PROM2: variants seen among roughly 807,000 people sequenced by gnomAD.
PROM2 encodes prominin-2.
In PROM2, 90 loss-of-function variants were observed where a neutral mutation model predicts 110.2. The observed-to-expected ratio is 0.82, with a 90% CI of 0.69 to 0.97. PROM2 has a LOEUF of 0.97. Among genes scored for constraint, PROM2 ranks in the 50% least tolerant of loss-of-function variants. The probability of loss-of-function intolerance (pLI) is 0.00; values close to 1 mark genes in which losing one functional copy is unlikely to be tolerated. For missense variants in PROM2, 1,009 were observed against 1,074.8 expected (o/e 0.94, Z 0.86); for synonymous variants, 470 against 467.8 (o/e 1.00, Z -0.06).
At position 95,275,900 on chromosome 2, in the gene PROM2, G is replaced by T; in HGVS notation, c.295-30G>T. On this transcript the variant is annotated intron_variant, in intron 2 of 23. Coordinates refer to ENST00000317620, the MANE Select transcript of PROM2 (RefSeq NM_001165978.3). This position sits in a 1 kb window ranked among gnomAD's most constrained non-coding sequence, Gnocchi z 4.4. ...GCCAGGGCTGGGCAGTGGGGGTCGGGTCACCCCTCATGCCCTGCTGCCTGC... is the reference window on the plus strand; with the variant it reads ...GCCAGGGCTGGGCAGTGGGGGTCGGTTCACCCCTCATGCCCTGCTGCCTGC... 6.3e-7 allele frequency: 1 copy of T among 1,590,820 alleles called. No homozygotes were observed. Among genetic ancestry groups the T allele is most frequent in the Non-Finnish European group, 8.5e-7 (1 of 1,170,766 alleles).
intron 7 of PROM2, 87 bp downstream of exon 7, chr2:95,277,653 G>A: frequency 7.6e-7 from 1 of 1,309,826 alleles, no homozygotes; most frequent in Non-Finnish European, 1.0e-6. Context: ...CAGTCCCCTT[G>A]CCCCAATGTT....
intron 11 of PROM2, 38 bp downstream of exon 11, chr2:95,280,035 A>G: frequency 7.3e-7 from 1 of 1,370,690 alleles, no homozygotes; most frequent in Non-Finnish European, 9.5e-7. Context: ...GTCCCCTCTT[A>G]TAGGGCTGGC....
At chr2:95,286,669 C>T in intron 17 of PROM2, 98 bp downstream of exon 17, 1 of 566,362 alleles carries the variant, frequency 1.8e-6, no homozygotes, top group South Asian at 2.1e-5. Flanking sequence ...CCCTTCCCTC[C>T]CCTCCTCTCC....
At position 95,276,046 on chromosome 2, in the gene PROM2, G is replaced by A. The variant is rs746905141; in HGVS notation, c.411G>A (p.Gly137=). ...FCCCRCHRRC[G]GRVKTEHKAL... ...GCTGCCGCTGCCACCGGCGCTGCGG[G>A]GGACGAGTGAAGACAGAGCACAAGG... The change falls in exon 3 of 24, where the codon GGG becomes GGA. Residue 137 remains glycine (G), a synonymous_variant. Coordinates refer to ENST00000317620, the MANE Select transcript of PROM2 (RefSeq NM_001165978.3). This position sits in a 1 kb window ranked among gnomAD's most constrained non-coding sequence, Gnocchi z 4.6. 36 of 1,611,296 alleles carry A rather than the reference G, an allele frequency of 2.2e-5. 1 individual carries two copies. In the South Asian group the frequency reaches 4.0e-4, roughly 18 times the overall value.
rs187661008 is a variant in PROM2, at chr2:95,276,974, G to C, written c.685G>C (p.Val229Leu). The C allele has an allele frequency of 3.9e-4, 612 of 1,551,094 alleles. 7 individuals are homozygous for C. In the East Asian group the frequency reaches 0.01, roughly 27 times the overall value. Reference protein sequence around the residue: ...QEQVSEELDGVGVSIGSAIHT... With the variant: ...QEQVSEELDGLGVSIGSAIHT... ...GCAGACTGCCCTGTGCTCTGCAGGT[G>C]TTGGTGTGAGCATTGGGAGCGCGAT... Residue 229 changes from valine to leucine, a missense_variant and splice_region_variant, in exon 6 of 24, where the codon GTT (valine) becomes CTT (leucine). Coordinates refer to ENST00000317620, the MANE Select transcript of PROM2 (RefSeq NM_001165978.3). This position sits in a 1 kb window ranked among gnomAD's most constrained non-coding sequence, Gnocchi z 4.6.
In PROM2 at chr2:95,275,361, C is replaced by T. The variant is rs1326521091; in HGVS notation, c.245-100C>T. The T allele has an allele frequency of 1.8e-5, 21 of 1,158,182 alleles. No individual in the cohort carries two copies. Among genetic ancestry groups the T allele is most frequent in the African/African-American group, 3.1e-5 (2 of 65,220 alleles). 71.7% of individuals were successfully genotyped at this position (1,158,182 alleles called of 1,614,324 possible). On this transcript the variant is annotated intron_variant, in intron 1 of 23. Transcript: ENST00000317620. The surrounding 1 kb of genome is among the most constrained non-coding windows in gnomAD (Gnocchi z 4.4). ...GAGGGTGCCATGGTGGTGGCAGGAG[C>T]CCTGCCTCAGAGCCACTTTGCCCTG...
chr2:95,278,048 G>C, intron 8 of PROM2, 44 bp downstream of exon 8: 2 of 1,525,292 alleles, frequency 1.3e-6, no homozygotes, highest in South Asian at 2.3e-5. Flanking sequence ...CACCTGCCAA[G>C]TGAGGGCCTC....
Position 95,275,057 on chromosome 2 carries a change from A to G in PROM2, c.244+228A>G, listed in dbSNP as rs1321942744. On this transcript the variant is annotated intron_variant, in intron 1 of 23. Coordinates refer to ENST00000317620, the MANE Select transcript of PROM2 (RefSeq NM_001165978.3). This position sits in a 1 kb window ranked among gnomAD's most constrained non-coding sequence, Gnocchi z 4.4. ...GCTCTGTCTGTAAAGTGAGGAGGTT[A>G]CATTGGAAATACATTAGACCTGACT... 1 of 517,452 alleles carries G rather than the reference A, an allele frequency of 1.9e-6. No homozygotes were observed. Among genetic ancestry groups the G allele is most frequent in the African/African-American group, 1.9e-5 (1 of 51,466 alleles). 32.1% of individuals were successfully genotyped at this position (517,452 alleles called of 1,614,324 possible). A position where few individuals can be genotyped will look rare whatever the true frequency, so the allele number is the denominator to read the frequency against.
At chr2:95,286,100 G>A (rs1677341578) in intron 16 of PROM2, among the ~76,000 whole-genome samples, 1 of 152,240 alleles carries the variant, frequency 6.6e-6, no homozygotes, top group Non-Finnish European at 1.5e-5. Context: ...GAGATGTCAT[G>A]GCAGTTGCCC....
Position 95,282,048 on chromosome 2 carries a change from G to A in PROM2, c.1643+32G>A, listed in dbSNP as rs377436938. On this transcript the variant is annotated intron_variant, in intron 13 of 23. Transcript: ENST00000317620. The stretch of plus-strand genomic sequence containing the variant: ...GGACAGCCTGGGCAGAGCTGGGACC[G>A]GGGAAGGAAGGAGGAGGGCCGGTGT... 128 of 1,611,258 alleles carry A rather than the reference G, an allele frequency of 7.9e-5. 1 individual carries two copies. Among genetic ancestry groups the A allele is most frequent in the Admixed American group, 1.5e-4 (9 of 60,008 alleles).
chr2:95,289,245 C>A lies in PROM2; in HGVS notation c.*32C>A. On this transcript the variant is annotated 3_prime_UTR_variant, in exon 24 of 24. Transcript: ENST00000317620. The stretch of plus-strand genomic sequence containing the variant: ...ACAGGGTGAGGTGACCCTGAGGCTG[C>A]CTGTCCTCCCCTTTGATTTAGCCTG... The A allele has an allele frequency of 1.8e-6, 1 of 556,068 alleles. No individual in the cohort carries two copies. The highest frequency in any genetic ancestry group is 3.1e-5 in the East Asian group (1 of 32,782). 34.4% of individuals were successfully genotyped at this position (556,068 alleles called of 1,614,324 possible).
Position 95,274,737 on chromosome 2 carries a change from C to G in PROM2, c.152C>G (p.Ala51Gly). The G allele has an allele frequency of 6.2e-7, 1 of 1,612,032 alleles. No individual in the cohort carries two copies. The highest frequency in any genetic ancestry group is 8.5e-7 in the Non-Finnish European group (1 of 1,179,868). Residue 51 changes from alanine to glycine, a missense_variant, in exon 1 of 24, where the codon GCC becomes GGC. Physicochemically the swap from Ala to Gly is moderately conservative, Grantham distance 60. Transcript: ENST00000317620. ...FTPAARARWLAPRVRAPGLLD... is the reference protein window; with the variant it reads ...FTPAARARWLGPRVRAPGLLD... Reference sequence around the variant, plus strand: ...CCAGCAGCCAGGGCCCGGTGGCTGGCCCCTCGAGTTCGTGCGCCAGGACTC... The same window carrying G: ...CCAGCAGCCAGGGCCCGGTGGCTGGGCCCTCGAGTTCGTGCGCCAGGACTC...
At position 95,288,159 on chromosome 2, in the gene PROM2, C is replaced by T. The variant is rs183173485; in HGVS notation, c.2245-52C>T. 783 of 1,569,058 alleles carry T rather than the reference C, an allele frequency of 5.0e-4. 1 individual carries two copies. The highest frequency in any genetic ancestry group is 5.7e-4 in the Non-Finnish European group (657 of 1,146,208). On this transcript the variant is annotated intron_variant, in intron 20 of 23. Coordinates refer to ENST00000317620, the MANE Select transcript of PROM2 (RefSeq NM_001165978.3). Reference sequence around the variant, plus strand: ...TCTCCCTGAATTGAATATGGGTGTGCGCCTGTGGGTCCAGGTGTCTCTGCA... The same window carrying T: ...TCTCCCTGAATTGAATATGGGTGTGTGCCTGTGGGTCCAGGTGTCTCTGCA...
At chr2:95,280,276 A>G (rs1676973273) in intron 11 of PROM2, among the ~76,000 whole-genome samples, 2 of 152,132 alleles carry the variant, frequency 1.3e-5, no homozygotes, top group African/African-American at 4.8e-5. Flanking sequence ...GCAGCACCAG[A>G]GGTGGAATCT....
Position 95,282,151 on chromosome 2 carries a change from G to A in PROM2, c.1653G>A (p.Lys551=). The change falls in exon 14 of 24, where the codon AAG becomes AAA. Residue 551 remains lysine, a synonymous_variant. Transcript: ENST00000317620. ...CCTCACTCCTCCTCAGGCAGTGCAA[G>A]GAAGGGGCAGCGCTCTGGACAGTCC... ...ISIHQAYQQC[K]EGAALWTVLQ... The A allele has an allele frequency of 6.2e-7, 1 of 1,613,892 alleles. No individual in the cohort carries two copies. Among genetic ancestry groups the A allele is most frequent in the Non-Finnish European group, 8.5e-7 (1 of 1,179,950 alleles).
In PROM2 at chr2:95,275,375, C is replaced by T. The variant is rs1676585726; in HGVS notation, c.245-86C>T. ...GGTGGCAGGAGCCCTGCCTCAGAGCCACTTTGCCCTGGCAGTGGGGAGAGG... is the reference window on the plus strand; with the variant it reads ...GGTGGCAGGAGCCCTGCCTCAGAGCTACTTTGCCCTGGCAGTGGGGAGAGG... On this transcript the variant is annotated intron_variant, in intron 1 of 23. Transcript: ENST00000317620. This position sits in a 1 kb window ranked among gnomAD's most constrained non-coding sequence, Gnocchi z 4.4. 1.5e-6 allele frequency: 2 copies of T among 1,342,286 alleles called. No homozygotes were observed. Among genetic ancestry groups the T allele is most frequent in the African/African-American group, 1.5e-5 (1 of 68,612 alleles). 83.1% of individuals were successfully genotyped at this position (1,342,286 alleles called of 1,614,324 possible).
rs142565142 is a variant in PROM2 at position 95,277,508 on chromosome 2, A to T, written c.917A>T (p.Asp306Val). Residue 306 changes from aspartate to valine, a missense_variant, in exon 7 of 24, where the codon GAT (aspartate) becomes GTT (valine). Asp to Val is a radical substitution (Grantham distance 152, BLOSUM62 -3). Coordinates refer to ENST00000317620, the MANE Select transcript of PROM2 (RefSeq NM_001165978.3). ...CTGCAGGAGGCCAGGTGCCAGGGAG[A>T]TTGTGCAGGGGCCCTGAGCTGGGCC... ...ELLQEARCQG[D>V]CAGALSWART... is the part of the protein sequence containing the mutation. 1.5e-4 allele frequency: 245 copies of T among 1,610,770 alleles called. No homozygotes were observed. The Middle Eastern group carries it at 1.6e-3, about 11-fold the overall frequency.
rs769427948 is a variant in PROM2, at chr2:95,285,019, G to C, written c.1779G>C (p.Gln593His). Residue 593 changes from glutamine to histidine, a missense_variant, in exon 15 of 24, where the codon CAG becomes CAC. Transcript: ENST00000317620. ...TGCAGAGCCTGAAAGTAGACACACA[G>C]AGCCTGGACCTGCTGAGCTCAGCCG... ...QELQSLKVDT[Q>H]SLDLLSSAAR... 5.6e-6 allele frequency: 9 copies of C among 1,606,784 alleles called. No homozygotes were observed. Among genetic ancestry groups the C allele is most frequent in the East Asian group, 2.2e-5 (1 of 44,726 alleles).
chr2:95,283,245 C>A (rs1182369098), intron 14 of PROM2, among the ~76,000 whole-genome samples: 1 of 152,222 alleles, frequency 6.6e-6, no homozygotes, highest in East Asian at 1.9e-4. Context: ...TGGCAGGAAG[C>A]CATGGCTCTC....
Sources: allele counts gnomAD v4.1 joint callset (sites outside exome capture counted in the v4.1 genomes callset), GRCh38; gene constraint gnomAD v4.1.1; non-coding constraint Gnocchi (gnomAD v3.1); transcripts MANE v1.5; gene names NCBI Gene and HGNC (gene_info 2026-07-23, HGNC 2026-07-21).